ATP6V0A1: variants seen among roughly 807,000 people sequenced by gnomAD.
ATP6V0A1 encodes the protein ATPase H+ transporting V0 subunit a1.
ATP6V0A1 carries 43 observed loss-of-function variants against 105.4 expected under a neutral mutation model. The ratio of observed to expected loss-of-function variants is 0.41; its 90% CI spans 0.32 to 0.53. The LOEUF (loss-of-function observed/expected upper bound fraction) is 0.53. ATP6V0A1 is among the 20% of genes least tolerant of loss of function. ATP6V0A1 has a pLI of 0.30. For synonymous variants in ATP6V0A1, 362 were observed against 372.8 expected, an observed-to-expected ratio of 0.97 and a Z score of 0.33; for missense variants, 676 against 1,051.1, an observed-to-expected ratio of 0.64 and a Z score of 4.93.
rs996836095 is a variant in ATP6V0A1, at chr17:42,468,200, A to G, written c.294+93A>G. 5 of 767,466 alleles carry G rather than the reference A, an allele frequency of 6.5e-6. No individual in the cohort carries two copies. The African/African-American group carries it at 7.3e-5, about 11-fold the overall frequency. 47.5% of individuals were successfully genotyped at this position (767,466 alleles called of 1,614,324 possible). A position where few individuals can be genotyped will look rare whatever the true frequency, so the allele number is the denominator to read the frequency against. On this transcript the variant is annotated intron_variant, in intron 4 of 21. Coordinates refer to ENST00000343619, the MANE Select transcript of ATP6V0A1 (RefSeq NM_001130021.3). ...GATAGAGAGTAAAGTAATTCTTGCT[A>G]ACTTTGTCAGCATTATCTACTGATT...
At chr17:42,498,809 G>A (rs1175260775) in intron 14 of ATP6V0A1, 115 bp from the exon 15 acceptor site, 2 of 677,678 alleles carry the variant, frequency 3.0e-6, no homozygotes, top group Non-Finnish European at 4.9e-6. Flanking sequence ...CTGGGTGACA[G>A]AGCGAGACTC....
chr17:42,469,352 A>G (rs2087551635), intron 4 of ATP6V0A1, among the ~76,000 whole-genome samples: 1 of 131,920 alleles, frequency 7.6e-6, no homozygotes, highest in African/African-American at 3.0e-5. Context: ...TTTTTTCCAG[A>G]CAGAGTCTTG....
At position 42,500,895 on chromosome 17, in the gene ATP6V0A1, C is replaced by G. The variant is rs754820314; in HGVS notation, c.1868C>G (p.Ser623Cys). The change falls in exon 16 of 22, where the codon TCT (serine) becomes TGT (cysteine). Residue 623 changes from serine (S) to cysteine (C), a missense_variant. Coordinates refer to ENST00000343619, the MANE Select transcript of ATP6V0A1 (RefSeq NM_001130021.3). ...INMFLFSYPESGYSMLYSGQK... is the reference protein window; with the variant it reads ...INMFLFSYPECGYSMLYSGQK... ...ATGTTCCTCTTTTCCTACCCAGAGTCTGGTTATTCAATGTTGTATTCTGGA... is the reference window on the plus strand; with the variant it reads ...ATGTTCCTCTTTTCCTACCCAGAGTGTGGTTATTCAATGTTGTATTCTGGA... The G allele has an allele frequency of 6.2e-7, 1 of 1,613,904 alleles. No individual in the cohort carries two copies. The highest frequency in any genetic ancestry group is 2.2e-5 in the East Asian group (1 of 44,882).
At chr17:42,469,888 C>A (rs1246464503) in intron 4 of ATP6V0A1, among the ~76,000 whole-genome samples, 1 of 152,022 alleles carries the variant, frequency 6.6e-6, no homozygotes, top group Non-Finnish European at 1.5e-5. Context: ...GTGATCCACC[C>A]GCCTCGGCCC....
At chr17:42,478,637 C>T in intron 7 of ATP6V0A1, 48 bp downstream of exon 7, 1 of 1,494,820 alleles carries the variant, frequency 6.7e-7, no homozygotes, top group African/African-American at 1.4e-5. Flanking sequence ...GTAAAGGGAG[C>T]CCAGAGCAGT....
intron 17 of ATP6V0A1, among the ~76,000 whole-genome samples, chr17:42,505,353 C>G (rs1192220936): frequency 2.0e-5 from 3 of 152,098 alleles, no homozygotes; most frequent in Non-Finnish European, 4.4e-5. Flanking sequence ...TTACAGGCAC[C>G]CACCACCTCC....
intron 7 of ATP6V0A1, among the ~76,000 whole-genome samples, chr17:42,479,985 A>C (rs1397293418): frequency 6.6e-6 from 1 of 151,946 alleles, no homozygotes; most frequent in African/African-American, 2.4e-5. Context: ...AATTTTCTTC[A>C]CTCCTCATCC....
At chr17:42,520,929 G>A (rs1022839514) in intron 21 of ATP6V0A1, 98 bp from the exon 22 acceptor site, 16 of 1,059,642 alleles carry the variant, frequency 1.5e-5, no homozygotes, top group Non-Finnish European at 2.2e-5. Context: ...GGCTCGGGGT[G>A]AGGTGGGCAC....
chr17:42,496,555 TAC>T (rs1251225037), intron 14 of ATP6V0A1: 1 of 151,700 alleles, frequency 6.6e-6, no homozygotes, highest in Non-Finnish European at 1.5e-5. Flanking sequence ...AAAAAAATAA[TAC>T]AGGCTGGGCG....
intron 9 of ATP6V0A1, among the ~76,000 whole-genome samples, chr17:42,484,002 G>GC (rs2089835165): frequency 6.6e-6 from 1 of 152,240 alleles, no homozygotes; most frequent in African/African-American, 2.4e-5. Context: ...ATAGGCGTGA[G>GC]CCACTGCGCC....
chr17:42,469,616 G>A (rs1457359872), intron 4 of ATP6V0A1, among the ~76,000 whole-genome samples: 1 of 151,912 alleles, frequency 6.6e-6, no homozygotes, highest in Non-Finnish European at 1.5e-5. Flanking sequence ...GATTACAGGA[G>A]TGAGTCACCA....
chr17:42,519,066 C>G (rs2092734999), intron 21 of ATP6V0A1: 1 of 152,398 alleles, frequency 6.6e-6, no homozygotes, highest in African/African-American at 2.4e-5. Flanking sequence ...TCTGGCCGCT[C>G]TAAGTCTCTA....
Position 42,501,304 on chromosome 17 carries a change from G to A in ATP6V0A1, c.2004G>A (p.Leu668=). ...LRRQYLRRKH[L]GTLNFGGIRV... ...GTCAGTATTTGAGGAGAAAGCATTT[G>A]GTAGGTGTATTTCTATTGCTAAAAG... The change falls in exon 17 of 22, where the codon TTG becomes TTA. Residue 668 remains leucine (L), a splice_region_variant and synonymous_variant. Coordinates refer to ENST00000343619, the MANE Select transcript of ATP6V0A1 (RefSeq NM_001130021.3). 1 of 1,611,048 alleles carries A rather than the reference G, an allele frequency of 6.2e-7. No individual in the cohort carries two copies. Among genetic ancestry groups the A allele is most frequent in the Non-Finnish European group, 8.5e-7 (1 of 1,177,618 alleles).
At position 42,507,559 on chromosome 17, in the gene ATP6V0A1, C is replaced by T. The variant is rs1465728339; in HGVS notation, c.2044C>T (p.Pro682Ser). ...NFGGIRVGNG[P>S]TEEDAEIIQH... ...TGGTGGGATCAGGGTGGGCAACGGACCGACAGAGGAGGATGCTGAGATTAT... is the reference window on the plus strand; with the variant it reads ...TGGTGGGATCAGGGTGGGCAACGGATCGACAGAGGAGGATGCTGAGATTAT... The change falls in exon 18 of 22, where the codon CCG (proline) becomes TCG (serine). Residue 682 changes from proline (P) to serine (S), a missense_variant. Pro to Ser is a moderately conservative substitution (Grantham distance 74, BLOSUM62 -1). Coordinates refer to ENST00000343619, the MANE Select transcript of ATP6V0A1 (RefSeq NM_001130021.3). 2 of 1,613,684 alleles carry T rather than the reference C, an allele frequency of 1.2e-6. No homozygotes were observed. Among genetic ancestry groups the T allele is most frequent in the Non-Finnish European group, 1.7e-6 (2 of 1,179,822 alleles).
chr17:42,492,789 A>G (rs12602029), intron 11 of ATP6V0A1, among the ~76,000 whole-genome samples: 144,460 of 150,328 alleles, frequency 0.96, 69,679 homozygotes, highest in South Asian at 1. Flanking sequence ...GACAAGGTGG[A>G]AGGATCACTT....
At position 42,487,147 on chromosome 17, in the gene ATP6V0A1, C is replaced by T. The variant is rs2090186086; in HGVS notation, c.811-8C>T. ...AGGATCCCTCGCTTGTTCCTTTTCTCCCCAAAGGTTCTGAATCAAACGGAG... is the reference window on the plus strand; with the variant it reads ...AGGATCCCTCGCTTGTTCCTTTTCTTCCCAAAGGTTCTGAATCAAACGGAG... On this transcript the variant is annotated splice_polypyrimidine_tract_variant and splice_region_variant and intron_variant, in intron 9 of 21. Coordinates refer to ENST00000343619, the MANE Select transcript of ATP6V0A1 (RefSeq NM_001130021.3). 1.2e-6 allele frequency: 2 copies of T among 1,614,046 alleles called. No homozygotes were observed. Among genetic ancestry groups the T allele is most frequent in the East Asian group, 4.5e-5 (2 of 44,888 alleles).
chr17:42,487,327 C>T lies in ATP6V0A1; in HGVS notation c.983C>T (p.Thr328Ile), dbSNP rs1567835131. The T allele has an allele frequency of 1.2e-6, 2 of 1,614,118 alleles. No individual in the cohort carries two copies. The highest frequency in any genetic ancestry group is 1.7e-6 in the Non-Finnish European group (2 of 1,180,040). Residue 328 changes from threonine to isoleucine, a missense_variant, in exon 10 of 22, where the codon ACC becomes ATC. This residue lies in a region of ATP6V0A1 where 435 missense variants were observed against 642.2 expected (regional missense o/e 0.68). Transcript: ENST00000343619. ...ATTGCAGAGGTCTGGTGCCCTGTCA[C>T]CGACCTTGACTCCATCCAGTTTGCA... ...CLIAEVWCPV[T>I]DLDSIQFALR... is the part of the protein sequence containing the mutation.
intron 8 of ATP6V0A1, 192 bp downstream of exon 8, chr17:42,480,941 T>TG (rs1293508531): frequency 7.2e-5 from 33 of 461,276 alleles, no homozygotes; most frequent in East Asian, 3.2e-4. Flanking sequence ...GTTGTTCAGA[T>TG]GGGGGGGTCT....
chr17:42,467,874 T>TTATA (rs138251779), intron 3 of ATP6V0A1, 136 bp from the exon 4 acceptor site: 8 of 225,306 alleles, frequency 3.6e-5, no homozygotes, highest in East Asian at 1.1e-4. Context: ...ATTATATCTT[T>TTATA]TATATATATA....
Sources: gnomAD v4.1 joint callset for allele counts (sites outside exome capture counted in the v4.1 genomes callset) on GRCh38, gnomAD v4.1.1 for gene constraint, gnomAD v4.1.1 regional missense constraint, MANE v1.5 for transcripts, NCBI Gene and HGNC (gene_info 2026-07-23, HGNC 2026-07-21) for gene names.